AKAP13: variants seen among roughly 807,000 people sequenced by gnomAD.
AKAP13 encodes A-kinase anchor protein 13.
AKAP13 carries 80 observed loss-of-function variants against 264.5 expected under a neutral mutation model. The ratio of observed to expected loss-of-function variants is 0.30; its 90% confidence interval spans 0.25 to 0.36. The LOEUF is 0.36. AKAP13 is among the 10% of genes least tolerant of loss of function. The pLI is 1.00. For synonymous variants in AKAP13, 1,380 were observed against 1,250.2 expected, an observed-to-expected ratio of 1.10 and a Z score of -2.19; for missense variants, 3,712 against 3,435.2, an observed-to-expected ratio of 1.08 and a Z score of -2.01.
At chr15:85,585,922 C>T in intron 8 of AKAP13, 99 bp downstream of exon 8, 3 of 1,461,280 alleles carry the variant, frequency 2.1e-6, no homozygotes, top group Non-Finnish European at 2.8e-6. Context: ...GGTAAGTGGG[C>T]AAAATAGTAT....
In AKAP13 at chr15:85,731,088, T is replaced by C. The variant is rs988926076; in HGVS notation, c.7282+381T>C. Among the ~76,000 whole-genome samples, 12 of 124,848 alleles carry C rather than the reference T, an allele frequency of 9.6e-5. No individual in the cohort carries two copies. The Admixed American group carries it at 1.3e-3, about 14-fold the overall frequency. The allele number at this position is 124,848 out of a possible 152,430, so 81.9% of individuals were successfully genotyped here. ...GGTGCAACCTCGGCTCACTGCAACCTCCCCCTCCTGGGTTCAAGTGATTCT... is the reference window on the plus strand; with the variant it reads ...GGTGCAACCTCGGCTCACTGCAACCCCCCCCTCCTGGGTTCAAGTGATTCT... On this transcript the variant is annotated intron_variant, in intron 30 of 36. Transcript: ENST00000394518.
chr15:85,561,532 C>T (rs559358480), intron 5 of AKAP13, among the ~76,000 whole-genome samples: 107 of 152,302 alleles, frequency 7.0e-4, no homozygotes, highest in Non-Finnish European at 1.3e-3. Flanking sequence ...ATACTTTGAT[C>T]ACATCAATAA....
chr15:85,556,472 G>A (rs1300014297), intron 5 of AKAP13, among the ~76,000 whole-genome samples: 1 of 152,268 alleles, frequency 6.6e-6, no homozygotes, highest in Middle Eastern at 3.4e-3. Flanking sequence ...ACATGGCTAA[G>A]TGGCACATGA....
In AKAP13 at chr15:85,746,907, C is replaced by T. The variant is rs372210350; in HGVS notation, c.*2230C>T. On this transcript the variant is annotated 3_prime_UTR_variant, in exon 37 of 37. Transcript: ENST00000394518. ...GGTGCTGATGGGATTTACTTGCGTA[C>T]GTGCTCTTCACAAAAACACCGTGGA... The T allele has an allele frequency of 4.6e-5, 7 of 152,308 alleles. No individual in the cohort carries two copies. Among genetic ancestry groups the T allele is most frequent in the Non-Finnish European group, 8.8e-5 (6 of 68,040 alleles). The allele number at this position is 152,308 out of a possible 1,614,324, so 9.4% of individuals were successfully genotyped here. A position where few individuals can be genotyped will look rare whatever the true frequency, so the allele number is the denominator to read the frequency against.
At chr15:85,385,006 A>G (rs1198935378) in intron 1 of AKAP13, among the ~76,000 whole-genome samples, 1 of 152,140 alleles carries the variant, frequency 6.6e-6, no homozygotes, top group African/African-American at 2.4e-5. Context: ...GGGTGCTAGT[A>G]TGGGAGAGAA....
chr15:85,444,443 A>G (rs2073829613), intron 1 of AKAP13, among the ~76,000 whole-genome samples: 1 of 152,196 alleles, frequency 6.6e-6, no homozygotes, highest in African/African-American at 2.4e-5. Context: ...AAAAAGTAAA[A>G]TGTTTTCACA....
At chr15:85,678,794 G>A (rs921726812) in intron 14 of AKAP13, among the ~76,000 whole-genome samples, 4 of 152,020 alleles carry the variant, frequency 2.6e-5, no homozygotes, top group African/African-American at 9.7e-5. Flanking sequence ...ACTTGAACCT[G>A]GGAGGCAGAT....
intron 14 of AKAP13, among the ~76,000 whole-genome samples, chr15:85,677,801 C>A (rs1320873286): frequency 6.6e-6 from 1 of 151,986 alleles, no homozygotes; most frequent in African/African-American, 2.4e-5. Context: ...CGTCCGCCAC[C>A]ACGCCCAGCT....
intron 26 of AKAP13, among the ~76,000 whole-genome samples, chr15:85,725,523 C>T (rs931770587): frequency 6.6e-6 from 1 of 152,128 alleles, no homozygotes. Flanking sequence ...ATCAGATGTC[C>T]TTGCTTCTGT....
chr15:85,546,359 C>CAT, intron 5 of AKAP13, among the ~76,000 whole-genome samples: 2 of 150,638 alleles, frequency 1.3e-5, no homozygotes, highest in South Asian at 4.2e-4. Flanking sequence ...CACACACACA[C>CAT]AGCCAAAAGT....
chr15:85,623,744 G>A (rs10438418), intron 8 of AKAP13, among the ~76,000 whole-genome samples: 1,621 of 152,300 alleles, frequency 0.011, 23 homozygotes, highest in African/African-American at 0.034. Context: ...GTTCTCCAGC[G>A]TAACATACAC....
rs386383664 is a variant in AKAP13 at position 85,673,666 on chromosome 15, C to CTTTTTT, written c.5101+3857_5101+3862dup. Reference sequence around the variant, plus strand: ...TTACAGATGATCCCTTTCTTTCTTTCTTTTTTTTTTTTTTTTTTTTTTTTT... The same window carrying CTTTTTT: ...TTACAGATGATCCCTTTCTTTCTTTCTTTTTTTTTTTTTTTTTTTTTTTTTTTTTTT... On this transcript the variant is annotated intron_variant, in intron 14 of 36. Coordinates refer to ENST00000394518, the MANE Select transcript of AKAP13 (RefSeq NM_007200.5). 4.6e-3 allele frequency among the ~76,000 whole-genome samples: 357 copies of CTTTTTT among 77,542 alleles called. 54 individuals are homozygous for CTTTTTT. The highest frequency in any genetic ancestry group is 0.017 in the African/African-American group (306 of 17,832). 50.9% of individuals were successfully genotyped at this position (77,542 alleles called of 152,430 possible).
Position 85,580,694 on chromosome 15 carries a change from G to A in AKAP13, c.2626G>A (p.Ala876Thr), listed in dbSNP as rs747706132. ...ACTTGGTGGAGAGCATGAGGGTCCC[G>A]CCCCTCCAGCAATCCCAGAAGCTCT... ...TGLGGEHEGP[A>T]PPAIPEALNI... The change falls in exon 7 of 37, where the codon GCC (alanine) becomes ACC (threonine). Residue 876 changes from alanine (A) to threonine (T), a missense_variant. Coordinates refer to ENST00000394518, the MANE Select transcript of AKAP13 (RefSeq NM_007200.5). 3.7e-6 allele frequency: 6 copies of A among 1,614,144 alleles called. No homozygotes were observed. The highest frequency in any genetic ancestry group is 4.5e-5 in the East Asian group (2 of 44,874).
intron 2 of AKAP13, among the ~76,000 whole-genome samples, chr15:85,511,511 T>C (rs992416055): frequency 9.8e-5 from 15 of 152,344 alleles, no homozygotes; most frequent in African/African-American, 4.8e-5. Flanking sequence ...CATCATCTTA[T>C]CACAAATTAT....
At chr15:85,553,453 T>C (rs2078035073) in intron 5 of AKAP13, among the ~76,000 whole-genome samples, 1 of 152,230 alleles carries the variant, frequency 6.6e-6, no homozygotes, top group Non-Finnish European at 1.5e-5. Context: ...AAAGATAAAA[T>C]GTTCTTCCTA....
chr15:85,461,407 C>G (rs558899425), intron 1 of AKAP13, among the ~76,000 whole-genome samples: 1 of 152,274 alleles, frequency 6.6e-6, no homozygotes, highest in East Asian at 1.9e-4. Context: ...TGAGCCACTG[C>G]GCCCGGCCCG....
intron 5 of AKAP13, among the ~76,000 whole-genome samples, chr15:85,545,620 T>A (rs2077708089): frequency 6.6e-6 from 1 of 152,204 alleles, no homozygotes; most frequent in Non-Finnish European, 1.5e-5. Context: ...TTGCTGCAGA[T>A]CTAGCTCTTA....
At chr15:85,725,851 C>T (rs1262088626) in intron 26 of AKAP13, among the ~76,000 whole-genome samples, 2 of 152,174 alleles carry the variant, frequency 1.3e-5, no homozygotes, top group Non-Finnish European at 2.9e-5. Flanking sequence ...TCACATGTAC[C>T]TGTAAGACTG....
Position 85,743,745 on chromosome 15 carries a change from C to A in AKAP13, c.8312C>A (p.Thr2771Asn). The change falls in exon 36 of 37, where the codon ACC (threonine) becomes AAC (asparagine). Residue 2771 changes from threonine to asparagine, a missense_variant. By Grantham distance (65) the Thr-to-Asn change is moderately conservative. Transcript: ENST00000394518. ...GCCCCTGCGTCCACCTCTGCCTCTA[C>A]CCGCCTGTTTGGGTTAACAAAGCCA... ...SQAPASTSAS[T>N]RLFGLTKPKE... 6.2e-7 allele frequency: 1 copy of A among 1,614,180 alleles called. No individual in the cohort carries two copies. Among genetic ancestry groups the A allele is most frequent in the Non-Finnish European group, 8.5e-7 (1 of 1,180,034 alleles).
Sources: gnomAD v4.1 joint callset for allele counts (sites outside exome capture counted in the v4.1 genomes callset) on GRCh38, gnomAD v4.1.1 for gene constraint, MANE v1.5 for transcripts, NCBI Gene and HGNC (gene_info 2026-07-23, HGNC 2026-07-21) for gene names.